Variants in KLHL3 observed in about 807,000 individuals in gnomAD.
KLHL3 encodes kelch-like protein 3.
In KLHL3, 19 loss-of-function variants were observed where a neutral mutation model predicts 70.5. The observed-to-expected ratio is 0.27, with a 90% CI of 0.19 to 0.40. KLHL3 has a LOEUF of 0.40. Among genes scored for constraint, KLHL3 ranks in the 10% least tolerant of loss-of-function variants. The pLI is 1.00. For missense variants in KLHL3, 512 were observed against 771.1 expected (o/e 0.66, Z 3.98); for synonymous variants, 258 against 290.3 (o/e 0.89, Z 1.13).
chr5:137,641,950 C>A (rs1346937340), intron 8 of KLHL3, among the ~76,000 whole-genome samples: 3 of 152,192 alleles, frequency 2.0e-5, no homozygotes, highest in Non-Finnish European at 4.4e-5. Context: ...TCAAGAGTAG[C>A]CTTTTTCAGA....
rs746049022 is a variant in KLHL3 at position 137,735,822 on chromosome 5, A to G, written c.-176T>C. The G allele has an allele frequency of 2.0e-5, 16 of 796,378 alleles. No individual in the cohort carries two copies. Among genetic ancestry groups the G allele is most frequent in the Non-Finnish European group, 2.6e-5 (12 of 470,182 alleles). 49.3% of individuals were successfully genotyped at this position (796,378 alleles called of 1,614,324 possible). On this transcript the variant is annotated 5_prime_UTR_variant, in exon 1 of 15. Transcript: ENST00000309755. ...ATCCTCCTTCCTCTGACTTACTCGCAGCAGCTTCTACCGCAAAAGCAGCAG... is the reference window on the plus strand; with the variant it reads ...ATCCTCCTTCCTCTGACTTACTCGCGGCAGCTTCTACCGCAAAAGCAGCAG...
intron 2 of KLHL3, among the ~76,000 whole-genome samples, chr5:137,718,252 T>G (rs1268538139): frequency 6.6e-6 from 1 of 152,250 alleles, no homozygotes; most frequent in African/African-American, 2.4e-5. Flanking sequence ...TGGCTAAATC[T>G]AAGTCAATGC....
At chr5:137,712,501 C>T (rs1227396523) in intron 2 of KLHL3, among the ~76,000 whole-genome samples, 1 of 152,142 alleles carries the variant, frequency 6.6e-6, no homozygotes, top group Non-Finnish European at 1.5e-5. Flanking sequence ...GATGGGCTTT[C>T]CCTGGGGGTG....
At chr5:137,697,806 T>C (rs1182090535) in intron 4 of KLHL3, among the ~76,000 whole-genome samples, 6 of 152,248 alleles carry the variant, frequency 3.9e-5, no homozygotes. Context: ...AATAAATACA[T>C]GATGAAAAGA....
chr5:137,661,771 C>T (rs1034116034), intron 7 of KLHL3, 144 bp downstream of exon 7: 1 of 609,910 alleles, frequency 1.6e-6, no homozygotes, highest in African/African-American at 1.8e-5. Context: ...CAACACCTAA[C>T]ACTTAACCCA....
rs1467599932 is a variant in KLHL3, at chr5:137,686,895, G to GCTGCTGAGAAAGCCACCCAGGAGAGGAT, written c.526+5389_526+5390insATCCTCTCCTGGGTGGCTTTCTCAGCAG. 4.1e-4 allele frequency among the ~76,000 whole-genome samples: 24 copies of GCTGCTGAGAAAGCCACCCAGGAGAGGAT among 58,242 alleles called. 1 individual carries two copies. Among genetic ancestry groups the GCTGCTGAGAAAGCCACCCAGGAGAGGAT allele is most frequent in the Admixed American group, 8.5e-4 (5 of 5,894 alleles). The allele number at this position is 58,242 out of a possible 152,430, so 38.2% of individuals were successfully genotyped here. A position where few individuals can be genotyped will look rare whatever the true frequency, so the allele number is the denominator to read the frequency against. On this transcript the variant is annotated intron_variant, in intron 5 of 14. Transcript: ENST00000309755. Reference sequence around the variant, plus strand: ...TTTAAAAATATTACCTCCCTGAGGGGCGCCTCTGCCCGGCCGCCCCTACTG... The same window carrying GCTGCTGAGAAAGCCACCCAGGAGAGGAT: ...TTTAAAAATATTACCTCCCTGAGGGGCTGCTGAGAAAGCCACCCAGGAGAGGATCGCCTCTGCCCGGCCGCCCCTACTG...
At chr5:137,658,065 A>T in intron 8 of KLHL3, 66 bp downstream of exon 8, 1 of 1,480,356 alleles carries the variant, frequency 6.8e-7, no homozygotes, top group Non-Finnish European at 9.2e-7. Flanking sequence ...ACTTGGAGGC[A>T]GGAGTGGAAG....
intron 6 of KLHL3, among the ~76,000 whole-genome samples, chr5:137,668,683 C>T (rs1393717805): frequency 1.3e-5 from 2 of 152,172 alleles, no homozygotes; most frequent in Non-Finnish European, 2.9e-5. Context: ...GTTAAGCATA[C>T]TCTCACCTCA....
intron 8 of KLHL3, among the ~76,000 whole-genome samples, chr5:137,654,905 G>A (rs1266091044): frequency 1.3e-5 from 2 of 152,186 alleles, no homozygotes; most frequent in African/African-American, 4.8e-5. Context: ...GGGTGATGGT[G>A]GAGCAGCTCT....
At chr5:137,644,742 C>A (rs13173843) in intron 8 of KLHL3, among the ~76,000 whole-genome samples, 53,836 of 152,012 alleles carry the variant, frequency 0.35, 10,259 homozygotes, top group East Asian at 0.53. Context: ...ACATTTAAAG[C>A]AGAACTAATA....
intron 5 of KLHL3, among the ~76,000 whole-genome samples, chr5:137,688,343 AG>A (rs1752237883): frequency 6.6e-6 from 1 of 152,198 alleles, no homozygotes; most frequent in Non-Finnish European, 1.5e-5. Flanking sequence ...GAAAAGTAGG[AG>A]GGCCTGCTCA....
At chr5:137,709,326 A>G (rs1009868039) in intron 3 of KLHL3, among the ~76,000 whole-genome samples, 1 of 152,234 alleles carries the variant, frequency 6.6e-6, no homozygotes, top group African/African-American at 2.4e-5. Flanking sequence ...GCACTGGGCC[A>G]GGTGCCAGGA....
At chr5:137,635,237 A>G (rs554404093) in intron 11 of KLHL3, among the ~76,000 whole-genome samples, 1 of 152,318 alleles carries the variant, frequency 6.6e-6, no homozygotes, top group South Asian at 2.1e-4. Context: ...TTCTTCTATC[A>G]TCATCGAGCC....
intron 8 of KLHL3, among the ~76,000 whole-genome samples, chr5:137,651,518 G>A (rs982418975): frequency 3.3e-5 from 5 of 152,160 alleles, no homozygotes; most frequent in Non-Finnish European, 5.9e-5. Flanking sequence ...CAAAAGACAT[G>A]TAAGACCCAT....
At chr5:137,717,540 AAAAT>A (rs1554096151) in intron 2 of KLHL3, among the ~76,000 whole-genome samples, 7 of 152,250 alleles carry the variant, frequency 4.6e-5, no homozygotes. Flanking sequence ...CAAAAAAATA[AAAAT>A]AAATAAATAA....
intron 5 of KLHL3, among the ~76,000 whole-genome samples, chr5:137,691,535 G>A (rs1752321253): frequency 6.6e-6 from 1 of 152,018 alleles, no homozygotes; most frequent in Non-Finnish European, 1.5e-5. Flanking sequence ...GAAAATGAGT[G>A]GCTCTGGAGC....
intron 13 of KLHL3, 91 bp from the exon 14 acceptor site, chr5:137,625,987 G>T: frequency 6.6e-7 from 1 of 1,512,234 alleles, no homozygotes; most frequent in Non-Finnish European, 9.0e-7. Flanking sequence ...TAGCCTGGGA[G>T]GCTCTTTTCC....
chr5:137,720,319 A>G, intron 2 of KLHL3, 146 bp downstream of exon 2: 1 of 917,598 alleles, frequency 1.1e-6, no homozygotes, highest in Non-Finnish European at 1.6e-6. Flanking sequence ...AAAAAGAGAG[A>G]AAGAAAGGGG....
intron 1 of KLHL3, among the ~76,000 whole-genome samples, chr5:137,727,125 A>C (rs1753096821): frequency 6.6e-6 from 1 of 151,950 alleles, no homozygotes; most frequent in South Asian, 2.1e-4. Context: ...CCCTCCCTTA[A>C]GCCTGCTACT....
Sources: gnomAD v4.1 joint callset for allele counts (sites outside exome capture counted in the v4.1 genomes callset) on GRCh38, gnomAD v4.1.1 for gene constraint, MANE v1.5 for transcripts, NCBI Gene and HGNC (gene_info 2026-07-23, HGNC 2026-07-21) for gene names.